TENM3: variants seen among roughly 807,000 people sequenced by gnomAD.
TENM3 encodes teneurin transmembrane protein 3, also known as teneurin-3.
In TENM3, 63 loss-of-function variants were observed where a neutral mutation model predicts 255.1. That is an observed-to-expected ratio of 0.25 (90% CI 0.20 to 0.30). The LOEUF (loss-of-function observed/expected upper bound fraction) is 0.30. Among genes scored for constraint, TENM3 ranks in the 10% least tolerant of loss-of-function variants. TENM3 has a pLI of 1.00. For synonymous variants in TENM3, 1,306 were observed against 1,322.3 expected, an observed-to-expected ratio of 0.99 and a Z score of 0.27; for missense variants, 2,929 against 3,461.1, an observed-to-expected ratio of 0.85 and a Z score of 3.86.
intron 1 of TENM3, among the ~76,000 whole-genome samples, chr4:182,218,820 C>T (rs943031202): frequency 1.7e-4 from 26 of 152,046 alleles, no homozygotes; most frequent in African/African-American, 5.6e-4. Flanking sequence ...TTTGATAGAC[C>T]CAGTGCATTG....
At chr4:182,509,692 C>G (rs1380176471) in intron 3 of TENM3, among the ~76,000 whole-genome samples, 7 of 152,068 alleles carry the variant, frequency 4.6e-5, no homozygotes, top group African/African-American at 1.7e-4. Context: ...AATCCCAGCA[C>G]TTTGGGAGGC....
chr4:182,298,920 G>A (rs1174152580), intron 1 of TENM3, among the ~76,000 whole-genome samples: 1 of 139,678 alleles, frequency 7.2e-6, no homozygotes, highest in Admixed American at 7.8e-5. Flanking sequence ...GGAGGCAGAG[G>A]TTGCAGTGAG....
chr4:181,673,043 C>A, the TENM3 span, among the ~76,000 whole-genome samples: 3 of 152,250 alleles, frequency 2.0e-5, no homozygotes, highest in East Asian at 5.8e-4. Flanking sequence ...CAAAACTCAA[C>A]AAAATAACCT....
intron 3 of TENM3, among the ~76,000 whole-genome samples, chr4:182,348,359 T>A (rs1193092389): frequency 6.6e-6 from 1 of 152,202 alleles, no homozygotes; most frequent in Non-Finnish European, 1.5e-5. Context: ...GATTCAGAAG[T>A]CACTAACCTT....
At chr4:182,252,748 T>C (rs1231424340) in intron 1 of TENM3, among the ~76,000 whole-genome samples, 3 of 152,152 alleles carry the variant, frequency 2.0e-5, no homozygotes, top group Non-Finnish European at 4.4e-5. Flanking sequence ...ACCTGGCTAA[T>C]AAAAGGAAGC....
the TENM3 span, among the ~76,000 whole-genome samples, chr4:181,540,418 G>C: frequency 2.6e-5 from 4 of 152,116 alleles, no homozygotes; most frequent in Non-Finnish European, 4.4e-5. Context: ...TCAAGCACAT[G>C]CCCCACTCCT....
the TENM3 span, among the ~76,000 whole-genome samples, chr4:181,549,279 G>T: frequency 6.6e-6 from 1 of 152,222 alleles, no homozygotes; most frequent in South Asian, 2.1e-4. Flanking sequence ...ACATGAAAGA[G>T]ACAAGGGACT....
chr4:182,188,769 T>C (rs1753327466), intron 1 of TENM3, among the ~76,000 whole-genome samples: 1 of 152,176 alleles, frequency 6.6e-6, no homozygotes. Flanking sequence ...CTAGAGCTCC[T>C]TGGGGCAAGG....
At chr4:181,563,851 A>G in the TENM3 span, among the ~76,000 whole-genome samples, 16 of 152,116 alleles carry the variant, frequency 1.1e-4, no homozygotes, top group African/African-American at 3.6e-4. Context: ...CATACAATCT[A>G]ACCATACAGT....
chr4:182,667,411 G>A (rs1206907423), intron 6 of TENM3, among the ~76,000 whole-genome samples: 8 of 152,108 alleles, frequency 5.3e-5, no homozygotes, highest in South Asian at 4.2e-4. Context: ...GGCTGGTCTC[G>A]AACTCCTGAC....
chr4:182,076,930 G>A, the TENM3 span, among the ~76,000 whole-genome samples: 5 of 152,218 alleles, frequency 3.3e-5, no homozygotes, highest in East Asian at 9.7e-4. Flanking sequence ...GCTTGGACAA[G>A]GACAGAGTCT....
chr4:182,703,871 T>C (rs1758076797), intron 12 of TENM3, among the ~76,000 whole-genome samples: 1 of 152,204 alleles, frequency 6.6e-6, no homozygotes, highest in African/African-American at 2.4e-5. Flanking sequence ...ATTCTACCCA[T>C]TGATATTGCC....
chr4:182,200,093 T>C (rs1052384108), intron 1 of TENM3, among the ~76,000 whole-genome samples: 2 of 152,012 alleles, frequency 1.3e-5, no homozygotes, highest in African/African-American at 4.8e-5. Flanking sequence ...TATGGAAAAA[T>C]TTATATTAAA....
the TENM3 span, among the ~76,000 whole-genome samples, chr4:181,927,140 C>T: frequency 6.6e-6 from 1 of 152,090 alleles, no homozygotes; most frequent in African/African-American, 2.4e-5. Flanking sequence ...CCCAGTGGCA[C>T]CTGGAATGCA....
the TENM3 span, among the ~76,000 whole-genome samples, chr4:182,109,838 T>G: frequency 6.6e-6 from 1 of 152,190 alleles, no homozygotes; most frequent in Non-Finnish European, 1.5e-5. Flanking sequence ...ATCATGTAAT[T>G]GCATCTTCAA....
chr4:182,049,770 G>A, the TENM3 span, among the ~76,000 whole-genome samples: 87,864 of 152,018 alleles, frequency 0.58, 29,789 homozygotes, highest in East Asian at 0.76. Context: ...CTTAAATGGC[G>A]TTTATTTATC....
chr4:182,294,791 T>G (rs1173596250), intron 1 of TENM3, among the ~76,000 whole-genome samples: 1 of 152,158 alleles, frequency 6.6e-6, no homozygotes, highest in Admixed American at 6.5e-5. Flanking sequence ...TAAAAATGTG[T>G]GGGGTGTTCT....
intron 3 of TENM3, among the ~76,000 whole-genome samples, chr4:182,406,357 C>T (rs1210016182): frequency 6.6e-6 from 1 of 151,932 alleles, no homozygotes; most frequent in African/African-American, 2.4e-5. Flanking sequence ...GAAGCCTGGG[C>T]ATGCATTAAC....
chr4:182,547,830 A>G (rs916285771), intron 3 of TENM3, among the ~76,000 whole-genome samples: 1 of 152,154 alleles, frequency 6.6e-6, no homozygotes, highest in Non-Finnish European at 1.5e-5. Context: ...TTTTATCACT[A>G]CAGATATTAA....
Sources: allele counts gnomAD v4.1 joint callset (sites outside exome capture counted in the v4.1 genomes callset), GRCh38; gene constraint gnomAD v4.1.1; transcripts MANE v1.5; gene names NCBI Gene and HGNC (gene_info 2026-07-23, HGNC 2026-07-21).